Variants in CASKIN1 observed in about 807,000 individuals in gnomAD.
CASKIN1 encodes the protein CASK interacting protein 1, also known as caskin-1.
CASKIN1 carries 42 observed loss-of-function variants against 117.5 expected under a neutral mutation model. The observed-to-expected ratio is 0.36, with a 90% confidence interval of 0.28 to 0.46. The LOEUF (loss-of-function observed/expected upper bound fraction) is 0.46, where lower values mean the gene tolerates loss of function less well. Ranked by LOEUF, CASKIN1 falls within the 20% of genes least tolerant of loss-of-function variation. The pLI is 1.00. For missense variants in CASKIN1, 2,083 were observed against 2,077.3 expected (o/e 1.00, Z -0.05); for synonymous variants, 1,148 against 961.7 (o/e 1.19, Z -3.59).
intron 19 of CASKIN1, 77 bp from the exon 20 acceptor site, chr16:2,178,723 G>T: frequency 2.2e-6 from 3 of 1,386,042 alleles, no homozygotes; most frequent in Non-Finnish European, 2.9e-6. Context: ...ACACGCCCAC[G>T]TCCCGCATCT....
rs766520186 is a variant in CASKIN1, at chr16:2,180,700, C to T, written c.2668G>A (p.Asp890Asn). 1.5e-5 allele frequency: 23 copies of T among 1,493,162 alleles called. No individual in the cohort carries two copies. The highest frequency in any genetic ancestry group is 9.2e-5 in the Admixed American group (4 of 43,538). The allele number at this position is 1,493,162 out of a possible 1,614,324, so 92.5% of individuals were successfully genotyped here. A position where few individuals can be genotyped will look rare whatever the true frequency, so the allele number is the denominator to read the frequency against. Residue 890 changes from aspartate to asparagine, a missense_variant, in exon 18 of 20, where the codon GAC (aspartate) becomes AAC (asparagine). By Grantham distance (23) the Asp-to-Asn change is conservative. Transcript: ENST00000343516. ...AHSLNRYAASDSEPERDELLV... is the reference protein window; with the variant it reads ...AHSLNRYAASNSEPERDELLV... Reference sequence around the variant, plus strand: ...AGCTCGTCCCGCTCCGGCTCGCTGTCGGACGCCGCATAGCGATTCAGGCTG... The same window carrying T: ...AGCTCGTCCCGCTCCGGCTCGCTGTTGGACGCCGCATAGCGATTCAGGCTG...
rs748529537 is a variant in CASKIN1 at position 2,180,373 on chromosome 16, C to T, written c.2995G>A (p.Gly999Ser). The change falls in exon 18 of 20, where the codon GGC becomes AGC. Residue 999 changes from glycine to serine, a missense_variant. Gly to Ser is a moderately conservative substitution (Grantham distance 56, BLOSUM62 0). Coordinates refer to ENST00000343516, the MANE Select transcript of CASKIN1 (RefSeq NM_020764.4). ...LAGSVDTGSA[G>S]SVKSIAAMLE... Reference sequence around the variant, plus strand: ...ATGGCCGCGATGCTCTTCACACTGCCGGCACTACCCGTGTCCACGCTGCCG... The same window carrying T: ...ATGGCCGCGATGCTCTTCACACTGCTGGCACTACCCGTGTCCACGCTGCCG... 10 of 1,592,452 alleles carry T rather than the reference C, an allele frequency of 6.3e-6. No individual in the cohort carries two copies. The highest frequency in any genetic ancestry group is 1.7e-4 in the Middle Eastern group (1 of 5,914).
In CASKIN1 at chr16:2,183,827, T is replaced by C. The variant is rs1431487943; in HGVS notation, c.1527+4A>G. 5.0e-6 allele frequency: 8 copies of C among 1,612,388 alleles called. No individual in the cohort carries two copies. The highest frequency in any genetic ancestry group is 6.8e-6 in the Non-Finnish European group (8 of 1,179,290). On this transcript the variant is annotated splice_donor_region_variant and intron_variant, in intron 15 of 19. Transcript: ENST00000343516. ...CTGGCGCTGGCGGCGCATGGAAAGCTCACCTCGGGAGTCATGCGGCTGATG... is the reference window on the plus strand; with the variant it reads ...CTGGCGCTGGCGGCGCATGGAAAGCCCACCTCGGGAGTCATGCGGCTGATG...
In CASKIN1 at chr16:2,190,378, C is replaced by G; in HGVS notation, c.95-20G>C. ...GGAGCTCTGGGGATGGAAGGAGACT[C>G]AGTGAGGGGAGGCTGTGCCAGCCCC... On this transcript the variant is annotated intron_variant, in intron 1 of 19. Transcript: ENST00000343516. 1 of 1,562,994 alleles carries G rather than the reference C, an allele frequency of 6.4e-7. No individual in the cohort carries two copies. The highest frequency in any genetic ancestry group is 8.7e-7 in the Non-Finnish European group (1 of 1,153,332).
In CASKIN1 at chr16:2,185,484, C is replaced by T. The variant is rs2093181301; in HGVS notation, c.1049-76G>A. On this transcript the variant is annotated intron_variant, in intron 10 of 19. Transcript: ENST00000343516. The stretch of plus-strand genomic sequence containing the variant: ...TGACGCAGGGGAGGCAGGACAGAGA[C>T]TGGCGCAGCCACAGCCGGGGGTCCT... The T allele has an allele frequency of 3.9e-6, 5 of 1,267,382 alleles. No individual in the cohort carries two copies. The Admixed American group carries it at 7.7e-5, about 20-fold the overall frequency. The allele number at this position is 1,267,382 out of a possible 1,614,324, so 78.5% of individuals were successfully genotyped here. A position where few individuals can be genotyped will look rare whatever the true frequency, so the allele number is the denominator to read the frequency against.
chr16:2,178,156 G>T lies in CASKIN1; in HGVS notation c.*394C>A. On this transcript the variant is annotated 3_prime_UTR_variant, in exon 20 of 20. Coordinates refer to ENST00000343516, the MANE Select transcript of CASKIN1 (RefSeq NM_020764.4). Reference sequence around the variant, plus strand: ...ATTCTGGGGGTGCGGTGGGGCAGGGGGGCCCTGACCTTGGTCCCCTGTCCC... The same window carrying T: ...ATTCTGGGGGTGCGGTGGGGCAGGGTGGCCCTGACCTTGGTCCCCTGTCCC... 2.0e-6 allele frequency: 1 copy of T among 490,668 alleles called. No homozygotes were observed. Among genetic ancestry groups the T allele is most frequent in the Non-Finnish European group, 3.9e-6 (1 of 256,588 alleles). The allele number at this position is 490,668 out of a possible 1,614,324, so 30.4% of individuals were successfully genotyped here. A position where few individuals can be genotyped will look rare whatever the true frequency, so the allele number is the denominator to read the frequency against.
At position 2,178,066 on chromosome 16, in the gene CASKIN1, TTTTG is replaced by T. The variant is rs1241504102; in HGVS notation, c.*480_*483del. 5 of 485,778 alleles carry T rather than the reference TTTTG, an allele frequency of 1.0e-5. No homozygotes were observed. In the East Asian group the frequency reaches 1.4e-4, roughly 14 times the overall value. The allele number at this position is 485,778 out of a possible 1,614,324, so 30.1% of individuals were successfully genotyped here. A position where few individuals can be genotyped will look rare whatever the true frequency, so the allele number is the denominator to read the frequency against. ...ATATATATTTGTTAAAGTTATACCT[TTTTG>T]TTTCTCTGGGGAAATCCGCCTCAGC... On this transcript the variant is annotated 3_prime_UTR_variant, in exon 20 of 20. Transcript: ENST00000343516.
In CASKIN1 at chr16:2,179,795, C is replaced by T. The variant is rs1346439905; in HGVS notation, c.3573G>A (p.Leu1191=). ...PASEQAGPPE[L]PPPPPPAEPP... ...GTTCGGCAGGCGGGGGCGGTGGAGG[C>T]AGCTCCGGAGGCCCAGCCTGCTCCG... Residue 1191 remains leucine, a synonymous_variant, in exon 18 of 20, where the codon CTG becomes CTA. Transcript: ENST00000343516. The surrounding 1 kb of genome is among the most constrained non-coding windows in gnomAD (Gnocchi z 5.8). The T allele has an allele frequency of 6.4e-7, 1 of 1,574,018 alleles. No individual in the cohort carries two copies. Among genetic ancestry groups the T allele is most frequent in the Non-Finnish European group, 8.6e-7 (1 of 1,163,562 alleles).
chr16:2,189,226 C>G lies in CASKIN1; in HGVS notation c.486+12G>C. The G allele has an allele frequency of 6.2e-7, 1 of 1,613,134 alleles. No individual in the cohort carries two copies. The highest frequency in any genetic ancestry group is 8.5e-7 in the Non-Finnish European group (1 of 1,179,890). ...CCCAGCCCCACCCCACAGGGCTCCACAGGAGACTCACCCCAACGCGGCCGA... is the reference window on the plus strand; with the variant it reads ...CCCAGCCCCACCCCACAGGGCTCCAGAGGAGACTCACCCCAACGCGGCCGA... On this transcript the variant is annotated intron_variant, in intron 5 of 19. Coordinates refer to ENST00000343516, the MANE Select transcript of CASKIN1 (RefSeq NM_020764.4).
chr16:2,191,449 C>A (rs2093201402), intron 1 of CASKIN1, among the ~76,000 whole-genome samples: 1 of 152,232 alleles, frequency 6.6e-6, no homozygotes, highest in East Asian at 1.9e-4. Context: ...AGCCTGTGTC[C>A]TTGGCTGCTG....
rs1179451068 is a variant in CASKIN1, at chr16:2,196,060, G to A, written c.94+279C>T. On this transcript the variant is annotated intron_variant, in intron 1 of 19. Transcript: ENST00000343516. This position sits in a 1 kb window ranked among gnomAD's most constrained non-coding sequence, Gnocchi z 5.7. Reference sequence around the variant, plus strand: ...AGCCTGGGAAGGGAGGGGGACAGAGGTAGAGAGAGAGGGATGCGAACGCCC... The same window carrying A: ...AGCCTGGGAAGGGAGGGGGACAGAGATAGAGAGAGAGGGATGCGAACGCCC... 1.3e-5 allele frequency among the ~76,000 whole-genome samples: 2 copies of A among 152,068 alleles called. No individual in the cohort carries two copies. Among genetic ancestry groups the A allele is most frequent in the Non-Finnish European group, 2.9e-5 (2 of 67,966 alleles).
intron 6 of CASKIN1, among the ~76,000 whole-genome samples, chr16:2,187,690 C>T (rs2093189022): frequency 6.6e-6 from 1 of 151,800 alleles, no homozygotes; most frequent in Non-Finnish European, 1.5e-5. Context: ...GGTGCGATCT[C>T]GGCTCACTAC....
rs1596683223 is a variant in CASKIN1 at position 2,178,133 on chromosome 16, T to G, written c.*417A>C. 1 of 501,174 alleles carries G rather than the reference T, an allele frequency of 2.0e-6. No homozygotes were observed. The highest frequency in any genetic ancestry group is 4.6e-5 in the East Asian group (1 of 21,696). 31.0% of individuals were successfully genotyped at this position (501,174 alleles called of 1,614,324 possible). A position where few individuals can be genotyped will look rare whatever the true frequency, so the allele number is the denominator to read the frequency against. On this transcript the variant is annotated 3_prime_UTR_variant, in exon 20 of 20. Transcript: ENST00000343516. ...AATTAATACTCTTGATAGCTTATAT[T>G]CTGGGGGTGCGGTGGGGCAGGGGGG...
chr16:2,180,043 C>T lies in CASKIN1; in HGVS notation c.3325G>A (p.Gly1109Ser). 1 of 1,589,904 alleles carries T rather than the reference C, an allele frequency of 6.3e-7. No individual in the cohort carries two copies. Among genetic ancestry groups the T allele is most frequent in the Non-Finnish European group, 8.6e-7 (1 of 1,169,016 alleles). ...TTGGCCAAGGGCGGGCCTTCGACAC[C>T]CGCCTCGCCCTTGGAGGGACCCCGA... is the stretch of plus-strand genomic sequence containing the variant. ...RPRGPSKGEA[G>S]VEGPPLAKVE... is the part of the protein sequence containing the mutation. The change falls in exon 18 of 20, where the codon GGT (glycine) becomes AGT (serine). Residue 1109 changes from glycine (G) to serine (S), a missense_variant. Gly to Ser is a moderately conservative substitution (Grantham distance 56). Transcript: ENST00000343516.
Position 2,181,471 on chromosome 16 carries a change from A to G in CASKIN1, c.1897T>C (p.Ser633Pro). The G allele has an allele frequency of 6.2e-7, 1 of 1,610,748 alleles. No individual in the cohort carries two copies. The highest frequency in any genetic ancestry group is 8.5e-7 in the Non-Finnish European group (1 of 1,179,518). ...PQSLEVMAIE[S>P]PPPPEPTPAD... is the part of the protein sequence containing the mutation. ...GGTGTGGGCTCAGGCGGGGGCGGCG[A>G]CTCGATGGCCATCACTTCAAGAGAC... The change falls in exon 18 of 20, where the codon TCG becomes CCG. Residue 633 changes from serine to proline, a missense_variant. Around this residue, in one of 3 missense-constraint regions of CASKIN1, gnomAD observed 1,818 missense variants for 1,688.9 expected, o/e 1.08. Coordinates refer to ENST00000343516, the MANE Select transcript of CASKIN1 (RefSeq NM_020764.4).
Position 2,185,132 on chromosome 16 carries a change from G to C in CASKIN1, c.1218C>G (p.His406Gln). 2 of 1,608,980 alleles carry C rather than the reference G, an allele frequency of 1.2e-6. No homozygotes were observed. The highest frequency in any genetic ancestry group is 1.7e-6 in the Non-Finnish European group (2 of 1,179,732). Residue 406 changes from histidine to glutamine, a missense_variant, in exon 12 of 20, where the codon CAC (histidine) becomes CAG (glutamine). His to Gln is a conservative substitution (Grantham distance 24). This residue lies in a region of CASKIN1 where 1,818 missense variants were observed against 1,688.9 expected (regional missense o/e 1.08). Coordinates refer to ENST00000343516, the MANE Select transcript of CASKIN1 (RefSeq NM_020764.4). ...GGRGSGGHAL[H>Q]AGSEGVKLLA... is the part of the protein sequence containing the mutation. ...CTACCTTGACGCCTTCAGAGCCCGC[G>C]TGTAGGGCGTGACCCCCGCTGCCCC...
Position 2,179,102 on chromosome 16 carries a change from C to T in CASKIN1, c.3999G>A (p.Ala1333=), listed in dbSNP as rs2093156893. ...GCTTGGCGGGCACGTGCAGCGCGGG[C>T]GCGCCGGGGGACGGGGGCTTGGCGG... ...ASPAKPPSPG[A]PALHVPAKPP... Residue 1333 remains alanine (A), a synonymous_variant, in exon 19 of 20, where the codon GCG becomes GCA. Transcript: ENST00000343516. The surrounding 1 kb of genome is among the most constrained non-coding windows in gnomAD (Gnocchi z 5.8). The T allele has an allele frequency of 2.0e-6, 2 of 988,174 alleles. No homozygotes were observed. Among genetic ancestry groups the T allele is most frequent in the Non-Finnish European group, 2.4e-6 (2 of 834,288 alleles). The allele number at this position is 988,174 out of a possible 1,614,324, so 61.2% of individuals were successfully genotyped here.
chr16:2,179,249 G>C lies in CASKIN1; in HGVS notation c.3852C>G (p.Val1284=), dbSNP rs2093157512. 1 of 1,204,766 alleles carries C rather than the reference G, an allele frequency of 8.3e-7. No individual in the cohort carries two copies. The highest frequency in any genetic ancestry group is 1.6e-5 in the African/African-American group (1 of 63,230). The allele number at this position is 1,204,766 out of a possible 1,614,324, so 74.6% of individuals were successfully genotyped here. A position where few individuals can be genotyped will look rare whatever the true frequency, so the allele number is the denominator to read the frequency against. The change falls in exon 19 of 20, where the codon GTC becomes GTG. Residue 1284 remains valine (V), a synonymous_variant. Transcript: ENST00000343516. This position sits in a 1 kb window ranked among gnomAD's most constrained non-coding sequence, Gnocchi z 5.8. ...CCGAAGGCAGCCCCGCGACCGCCTT[G>C]ACGGGCTTGGGCGCTGTGGGCGGCG... The part of the protein sequence containing the change: ...PPPPPTAPKP[V]KAVAGLPSGS...
chr16:2,179,981 C>T lies in CASKIN1; in HGVS notation c.3387G>A (p.Arg1129=), dbSNP rs777793124. ...CGTTCTCCTGCTGGTTCTGCTTGGC[C>T]CGGATGCGCCTCTTGAGTGTGGCGC... ...EASATLKRRI[R]AKQNQQENVK... Residue 1129 remains arginine (R), a synonymous_variant, in exon 18 of 20, where the codon CGG becomes CGA. Coordinates refer to ENST00000343516, the MANE Select transcript of CASKIN1 (RefSeq NM_020764.4). This position sits in a 1 kb window ranked among gnomAD's most constrained non-coding sequence, Gnocchi z 5.8. The T allele has an allele frequency of 3.7e-6, 6 of 1,605,752 alleles. No homozygotes were observed. The highest frequency in any genetic ancestry group is 4.2e-6 in the Non-Finnish European group (5 of 1,176,778).
Sources: allele counts gnomAD v4.1 joint callset (sites outside exome capture counted in the v4.1 genomes callset), GRCh38; gene constraint gnomAD v4.1.1; regional missense constraint gnomAD v4.1.1; non-coding constraint Gnocchi (gnomAD v3.1); transcripts MANE v1.5; gene names NCBI Gene and HGNC (gene_info 2026-07-23, HGNC 2026-07-21).